Variants in PPP6R3 observed in about 807,000 individuals in gnomAD.
PPP6R3 encodes the protein serine/threonine-protein phosphatase 6 regulatory subunit 3.
In PPP6R3, 38 loss-of-function variants were observed where a neutral mutation model predicts 110.7. The ratio of observed to expected loss-of-function variants is 0.34; its 90% CI spans 0.26 to 0.45. The LOEUF is 0.45. Among genes scored for constraint, PPP6R3 ranks in the 20% least tolerant of loss-of-function variants. PPP6R3 has a pLI of 1.00. For missense variants in PPP6R3, 870 were observed against 1,062.4 expected (o/e 0.82, Z 2.52); for synonymous variants, 369 against 373.5 (o/e 0.99, Z 0.14).
intron 9 of PPP6R3, among the ~76,000 whole-genome samples, chr11:68,566,010 C>G (rs2099464867): frequency 6.6e-6 from 1 of 152,094 alleles, no homozygotes. Context: ...TTACGTGCCA[C>G]CCTTGCCTCT....
At chr11:68,559,227 T>A (rs939974418) in intron 8 of PPP6R3, among the ~76,000 whole-genome samples, 2 of 152,250 alleles carry the variant, frequency 1.3e-5, no homozygotes, top group Admixed American at 6.5e-5. Context: ...TTCTTCTACA[T>A]GTTTTATAAT....
At chr11:68,578,760 A>C (rs1462100982) in intron 14 of PPP6R3, among the ~76,000 whole-genome samples, 3 of 152,146 alleles carry the variant, frequency 2.0e-5, no homozygotes, top group Non-Finnish European at 2.9e-5. Flanking sequence ...GAGATACTCG[A>C]AGTGCTTTAA....
At chr11:68,466,354 C>T (rs140723419) in intron 1 of PPP6R3, among the ~76,000 whole-genome samples, 24 of 151,172 alleles carry the variant, frequency 1.6e-4, no homozygotes, top group Middle Eastern at 3.5e-3. Context: ...AGGTTGGCTA[C>T]GTGGTAAAGA....
At chr11:68,603,228 C>CTTTTTTTT in intron 21 of PPP6R3, 114 bp from the exon 22 acceptor site, 1 of 1,366,514 alleles carries the variant, frequency 7.3e-7, no homozygotes, top group Non-Finnish European at 1.0e-6. Context: ...CCATCTCACT[C>CTTTTTTTT]TTTTTTTTCT....
At chr11:68,530,465 C>T (rs1226073258) in intron 2 of PPP6R3, among the ~76,000 whole-genome samples, 1 of 152,198 alleles carries the variant, frequency 6.6e-6, no homozygotes, top group East Asian at 1.9e-4. Flanking sequence ...GCAGCTGCTT[C>T]TCCTATTTTG....
At chr11:68,553,401 C>T (rs1224581918) in intron 6 of PPP6R3, among the ~76,000 whole-genome samples, 1 of 150,848 alleles carries the variant, frequency 6.6e-6, no homozygotes, top group Non-Finnish European at 1.5e-5. Flanking sequence ...TCAAGCGATT[C>T]TCCTGCCTCA....
At chr11:68,593,593 A>C (rs1397018090) in intron 18 of PPP6R3, among the ~76,000 whole-genome samples, 3 of 152,262 alleles carry the variant, frequency 2.0e-5, no homozygotes, top group African/African-American at 7.2e-5. Flanking sequence ...AATAAAATCA[A>C]ATCATAAAAT....
chr11:68,579,844 G>C (rs1046513044), intron 14 of PPP6R3, among the ~76,000 whole-genome samples: 3 of 152,216 alleles, frequency 2.0e-5, no homozygotes, highest in South Asian at 2.1e-4. Context: ...TGCTGTGCAG[G>C]TGTGTAGCCT....
intron 1 of PPP6R3, among the ~76,000 whole-genome samples, chr11:68,513,946 T>G (rs1046825220): frequency 6.6e-6 from 1 of 152,248 alleles, no homozygotes; most frequent in Non-Finnish European, 1.5e-5. Context: ...ACTGCATATG[T>G]GATGTTGATC....
At chr11:68,597,057 C>G (rs1321002322) in intron 19 of PPP6R3, among the ~76,000 whole-genome samples, 1 of 152,188 alleles carries the variant, frequency 6.6e-6, no homozygotes, top group East Asian at 1.9e-4. Flanking sequence ...AGGAAGTGGA[C>G]TTTTCTGTCC....
rs111927638 is a variant in PPP6R3, at chr11:68,566,019, C to G, written c.976-995C>G. 4.6e-5 allele frequency among the ~76,000 whole-genome samples: 7 copies of G among 152,224 alleles called. 2 individuals carry two copies. Among genetic ancestry groups the G allele is most frequent in the African/African-American group, 1.7e-4 (7 of 41,536 alleles). ...AGGCTGTTACGTGCCACCCTTGCCT[C>G]TCAGACTTCTAAAGTTAGGAAATGT... On this transcript the variant is annotated intron_variant, in intron 9 of 23. Transcript: ENST00000393800.
At chr11:68,601,489 A>G (rs552020480) in intron 20 of PPP6R3, among the ~76,000 whole-genome samples, 3 of 152,344 alleles carry the variant, frequency 2.0e-5, no homozygotes, top group South Asian at 2.1e-4. Context: ...AGGTTTTTGT[A>G]AAACCAGTCA....
At chr11:68,506,262 C>T (rs566112794) in intron 1 of PPP6R3, among the ~76,000 whole-genome samples, 58 of 150,810 alleles carry the variant, frequency 3.8e-4, no homozygotes, top group African/African-American at 1.0e-3. Flanking sequence ...TGCACCACCA[C>T]GCCTGGCTAA....
intron 12 of PPP6R3, among the ~76,000 whole-genome samples, chr11:68,573,856 C>T (rs1211388645): frequency 2.0e-5 from 3 of 152,082 alleles, no homozygotes; most frequent in African/African-American, 7.2e-5. Flanking sequence ...TTTTGAGATT[C>T]GAATAAACTG....
chr11:68,599,770 T>C (rs1314843525), intron 19 of PPP6R3, among the ~76,000 whole-genome samples: 1 of 152,224 alleles, frequency 6.6e-6, no homozygotes, highest in African/African-American at 2.4e-5. Context: ...CATTAATCCC[T>C]CTTTGTGCAT....
intron 2 of PPP6R3, among the ~76,000 whole-genome samples, chr11:68,528,991 A>G (rs991540487): frequency 6.6e-6 from 1 of 152,142 alleles, no homozygotes; most frequent in Non-Finnish European, 1.5e-5. Context: ...ACTCGGCCAG[A>G]GGTTCGGTGT....
At position 68,615,228 on chromosome 11, in the gene PPP6R3, A is replaced by T. The variant is rs973186164; in HGVS notation, c.*2111A>T. 4 of 382,948 alleles carry T rather than the reference A, an allele frequency of 1.0e-5. No individual in the cohort carries two copies. The highest frequency in any genetic ancestry group is 8.4e-5 in the African/African-American group (4 of 47,648). The allele number at this position is 382,948 out of a possible 1,614,324, so 23.7% of individuals were successfully genotyped here. A position where few individuals can be genotyped will look rare whatever the true frequency, so the allele number is the denominator to read the frequency against. ...GTGCCCTCATTTTGTTTCTACTTTT[A>T]ATTTCTGTGTGTTGGCCATACTGAA... is the stretch of plus-strand genomic sequence containing the variant. On this transcript the variant is annotated 3_prime_UTR_variant, in exon 24 of 24. Coordinates refer to ENST00000393800, the MANE Select transcript of PPP6R3 (RefSeq NM_001164161.2).
chr11:68,597,494 A>G (rs1035520589), intron 19 of PPP6R3, among the ~76,000 whole-genome samples: 3 of 152,178 alleles, frequency 2.0e-5, no homozygotes, highest in African/African-American at 7.2e-5. Flanking sequence ...ACAGTGAAAA[A>G]TGGACGAGAA....
intron 15 of PPP6R3, chr11:68,587,494 G>A (rs2099582483): frequency 5.1e-6 from 1 of 197,410 alleles, no homozygotes; most frequent in Admixed American, 5.7e-5. Flanking sequence ...TGCTGTAGTA[G>A]ATTGGGGGTG....
Sources: gnomAD v4.1 joint callset for allele counts (sites outside exome capture counted in the v4.1 genomes callset) on GRCh38, gnomAD v4.1.1 for gene constraint, MANE v1.5 for transcripts, NCBI Gene and HGNC (gene_info 2026-07-23, HGNC 2026-07-21) for gene names.